Variants in TMEM38B observed in about 807,000 individuals in gnomAD.
The protein encoded by TMEM38B is trimeric intracellular cation channel type B.
TMEM38B carries 24 observed loss-of-function variants against 28.7 expected under a neutral mutation model. The observed-to-expected ratio is 0.84, with a 90% CI of 0.61 to 1.18. TMEM38B has a LOEUF of 1.18. Among genes scored for constraint, TMEM38B ranks in the 50% most tolerant of loss-of-function variants. The probability of loss-of-function intolerance (pLI) is 0.00; values close to 1 mark genes in which losing one functional copy is unlikely to be tolerated. For synonymous variants in TMEM38B, 131 were observed against 127.7 expected, an observed-to-expected ratio of 1.03 and a Z score of -0.17; for missense variants, 380 against 350.9, an observed-to-expected ratio of 1.08 and a Z score of -0.66.
intron 5 of TMEM38B, among the ~76,000 whole-genome samples, chr9:105,752,341 GC>G (rs1837684681): frequency 6.6e-6 from 1 of 152,180 alleles, no homozygotes. Flanking sequence ...GCTTTTTTAA[GC>G]GGGTCCCTGA....
chr9:105,738,457 C>T (rs1837065262), intron 4 of TMEM38B, among the ~76,000 whole-genome samples: 1 of 151,800 alleles, frequency 6.6e-6, no homozygotes, highest in African/African-American at 2.4e-5. Flanking sequence ...CTGGTACTTT[C>T]CTTTAGTTAT....
chr9:105,758,308 G>A (rs1837907688), intron 5 of TMEM38B: 1 of 740,682 alleles, frequency 1.4e-6, no homozygotes, highest in Non-Finnish European at 2.4e-6. Context: ...CACATCTACA[G>A]CAAGTGGCAG....
intron 5 of TMEM38B, chr9:105,760,703 A>G (rs1838010828): frequency 7.9e-7 from 1 of 1,265,824 alleles, no homozygotes. Flanking sequence ...CCTACAATCA[A>G]GCAACCAATG....
intron 5 of TMEM38B, chr9:105,759,481 G>A: frequency 6.3e-7 from 1 of 1,581,320 alleles, no homozygotes; most frequent in Non-Finnish European, 8.6e-7. Flanking sequence ...AAACAGAGGA[G>A]TGAGTGCTAA....
chr9:105,739,119 C>T (rs1006351628), intron 4 of TMEM38B, among the ~76,000 whole-genome samples: 3 of 151,916 alleles, frequency 2.0e-5, no homozygotes, highest in Non-Finnish European at 4.4e-5. Context: ...AATTCTTTTC[C>T]CACTGAATAG....
intron 4 of TMEM38B, among the ~76,000 whole-genome samples, chr9:105,744,417 A>G (rs952129643): frequency 6.6e-6 from 1 of 152,160 alleles, no homozygotes; most frequent in African/African-American, 2.4e-5. Context: ...AATAATCTGA[A>G]TATTTTTGCA....
At chr9:105,747,288 TC>T (rs1837445018) in intron 4 of TMEM38B, among the ~76,000 whole-genome samples, 1 of 152,248 alleles carries the variant, frequency 6.6e-6, no homozygotes, top group South Asian at 2.1e-4. Flanking sequence ...TTCAATTTCT[TC>T]CTGGTTTAGT....
intron 5 of TMEM38B, among the ~76,000 whole-genome samples, chr9:105,754,700 T>C (rs950305922): frequency 6.6e-6 from 1 of 151,962 alleles, no homozygotes; most frequent in Non-Finnish European, 1.5e-5. Context: ...TAACAACCTA[T>C]CACCTCAACT....
intron 1 of TMEM38B, among the ~76,000 whole-genome samples, chr9:105,695,972 T>G (rs1835273747): frequency 6.6e-6 from 1 of 152,240 alleles, no homozygotes. Flanking sequence ...AAAAAATTTT[T>G]TTTTGTATAG....
At chr9:105,751,007 T>G (rs1837629246) in intron 5 of TMEM38B, among the ~76,000 whole-genome samples, 1 of 152,258 alleles carries the variant, frequency 6.6e-6, no homozygotes, top group Non-Finnish European at 1.5e-5. Context: ...GTGCCTGTCC[T>G]TATGCTATTA....
chr9:105,698,066 C>CAT (rs151026119), intron 1 of TMEM38B, among the ~76,000 whole-genome samples: 29,413 of 151,664 alleles, frequency 0.19, 2,912 homozygotes, highest in Middle Eastern at 0.31. Context: ...ATCCCACGTG[C>CAT]ATAGACCTCT....
At chr9:105,742,439 C>A (rs1407261768) in intron 4 of TMEM38B, among the ~76,000 whole-genome samples, 1 of 152,202 alleles carries the variant, frequency 6.6e-6, no homozygotes, top group Non-Finnish European at 1.5e-5. Context: ...CCTCTTTTCT[C>A]CCTTTTGGAA....
Position 105,774,015 on chromosome 9 carries a change from G to A in TMEM38B, c.811G>A (p.Ala271Thr), listed in dbSNP as rs1826646484. Reference sequence around the variant, plus strand: ...ACCTTCCAATGGCGTTGGGTCATTGGCCTCAAAGCCGGTAGATGTTGCCTC... The same window carrying A: ...ACCTTCCAATGGCGTTGGGTCATTGACCTCAAAGCCGGTAGATGTTGCCTC... ...KSPSNGVGSL[A>T]SKPVDVASDN... Residue 271 changes from alanine (A) to threonine (T), a missense_variant, in exon 6 of 6, where the codon GCC (alanine) becomes ACC (threonine). Coordinates refer to ENST00000374692, the MANE Select transcript of TMEM38B (RefSeq NM_018112.3). The A allele has an allele frequency of 6.2e-7, 1 of 1,613,702 alleles. No individual in the cohort carries two copies. The highest frequency in any genetic ancestry group is 2.2e-5 in the East Asian group (1 of 44,876).
intron 1 of TMEM38B, among the ~76,000 whole-genome samples, chr9:105,701,971 T>G (rs781168669): frequency 5.9e-5 from 9 of 152,098 alleles, no homozygotes; most frequent in Non-Finnish European, 1.2e-4. Context: ...TCCCAGCACT[T>G]TGGGAGGCTG....
chr9:105,717,291 A>G (rs1836137393), intron 2 of TMEM38B, among the ~76,000 whole-genome samples: 1 of 152,236 alleles, frequency 6.6e-6, no homozygotes, highest in Non-Finnish European at 1.5e-5. Context: ...TCATCCACAG[A>G]AGAAAAAATA....
chr9:105,752,106 C>G (rs1434443527), intron 5 of TMEM38B, among the ~76,000 whole-genome samples: 1 of 152,140 alleles, frequency 6.6e-6, no homozygotes, highest in Non-Finnish European at 1.5e-5. Flanking sequence ...GGGCCATGAT[C>G]CATTCCTCTT....
chr9:105,733,160 G>C (rs1588431552), intron 4 of TMEM38B, among the ~76,000 whole-genome samples: 1 of 152,234 alleles, frequency 6.6e-6, no homozygotes, highest in East Asian at 1.9e-4. Context: ...CCAGTTATGT[G>C]GTCAATTTTA....
chr9:105,751,935 G>C (rs540792417), intron 5 of TMEM38B, among the ~76,000 whole-genome samples: 1 of 152,300 alleles, frequency 6.6e-6, no homozygotes, highest in Admixed American at 6.5e-5. Flanking sequence ...TTGGGACGTA[G>C]CTCTCAGGGG....
At chr9:105,760,140 A>C in intron 5 of TMEM38B, 1 of 874,758 alleles carries the variant, frequency 1.1e-6, no homozygotes. Flanking sequence ...GTCGTTTGTT[A>C]CTTCCGCCAC....
Sources: gnomAD v4.1 joint callset for allele counts (sites outside exome capture counted in the v4.1 genomes callset) on GRCh38, gnomAD v4.1.1 for gene constraint, MANE v1.5 for transcripts, NCBI Gene and HGNC (gene_info 2026-07-23, HGNC 2026-07-21) for gene names.